The following DLGAP1 variants were observed in gnomAD, a reference collection of about 807,000 sequenced individuals.
DLGAP1 encodes disks large-associated protein 1.
In DLGAP1, 11 loss-of-function variants were observed where a neutral mutation model predicts 90.8. That is an observed-to-expected ratio of 0.12 (90% confidence interval 0.08 to 0.20). The LOEUF is 0.20. Ranked by LOEUF, DLGAP1 falls within the 10% of genes least tolerant of loss-of-function variation. The pLI is 1.00. For missense variants in DLGAP1, 1,050 were observed against 1,333.8 expected (o/e 0.79, Z 3.31); for synonymous variants, 558 against 540.7 (o/e 1.03, Z -0.44).
chr18:3,515,927 AACT>A (rs1403016252), intron 10 of DLGAP1, among the ~76,000 whole-genome samples: 1 of 152,168 alleles, frequency 6.6e-6, no homozygotes, highest in Non-Finnish European at 1.5e-5. Context: ...CATCTCAAGA[AACT>A]ACTTTCTTGG....
At chr18:3,700,386 A>C (rs1246560394) in intron 7 of DLGAP1, among the ~76,000 whole-genome samples, 1 of 152,110 alleles carries the variant, frequency 6.6e-6, no homozygotes, top group Non-Finnish European at 1.5e-5. Context: ...GAAGTTCCTC[A>C]ACCCCTTGTG....
At chr18:3,917,081 C>T (rs902803378) in intron 3 of DLGAP1, among the ~76,000 whole-genome samples, 1 of 152,184 alleles carries the variant, frequency 6.6e-6, no homozygotes, top group Non-Finnish European at 1.5e-5. Context: ...TGTGTTAGAT[C>T]ATTTTGCTCA....
intron 9 of DLGAP1, among the ~76,000 whole-genome samples, chr18:3,549,210 T>C (rs1181137409): frequency 6.6e-6 from 1 of 152,206 alleles, no homozygotes; most frequent in East Asian, 1.9e-4. Flanking sequence ...GCAGCCACTT[T>C]TAAACACTAT....
intron 1 of DLGAP1, among the ~76,000 whole-genome samples, chr18:4,269,723 A>G (rs1374810838): frequency 1.3e-5 from 2 of 152,138 alleles, no homozygotes; most frequent in East Asian, 3.9e-4. Flanking sequence ...CATAGTCTAT[A>G]ATTAATGTTA....
At chr18:3,609,156 T>TCTTCAGCCTCTCCTG in intron 7 of DLGAP1, among the ~76,000 whole-genome samples, 1 of 151,898 alleles carries the variant, frequency 6.6e-6, no homozygotes, top group East Asian at 1.9e-4. Context: ...CCTTGCAGTG[T>TCTTCAGCCTCTCCTG]CCTCAGCCTC....
At chr18:4,089,811 CG>C (rs1323504758) in intron 2 of DLGAP1, among the ~76,000 whole-genome samples, 3 of 152,106 alleles carry the variant, frequency 2.0e-5, no homozygotes, top group Non-Finnish European at 4.4e-5. Flanking sequence ...TTTGGGAGGC[CG>C]AGGCGGGCGG....
intron 2 of DLGAP1, among the ~76,000 whole-genome samples, chr18:4,085,131 C>T (rs976650265): frequency 3.9e-5 from 6 of 152,034 alleles, no homozygotes; most frequent in Non-Finnish European, 7.3e-5. Flanking sequence ...AGTCTTGGTG[C>T]AACTGAATGG....
At chr18:4,431,623 C>T (rs1339159331) in intron 1 of DLGAP1, among the ~76,000 whole-genome samples, 1 of 152,162 alleles carries the variant, frequency 6.6e-6, no homozygotes, top group African/African-American at 2.4e-5. Flanking sequence ...ATGTTAATCA[C>T]ATCTTTTATC....
chr18:4,140,564 ACAC>A (rs1316379701), intron 2 of DLGAP1, among the ~76,000 whole-genome samples: 1 of 151,984 alleles, frequency 6.6e-6, no homozygotes, highest in Non-Finnish European at 1.5e-5. Context: ...AATAGTTTAT[ACAC>A]CACAATTTAC....
intron 1 of DLGAP1, among the ~76,000 whole-genome samples, chr18:4,282,704 TA>T (rs1207950162): frequency 6.6e-6 from 1 of 152,106 alleles, no homozygotes; most frequent in African/African-American, 2.4e-5. Flanking sequence ...TTTATGCACA[TA>T]AAAAAATAGA....
chr18:4,152,181 T>A (rs986189430), intron 1 of DLGAP1, among the ~76,000 whole-genome samples: 1 of 152,152 alleles, frequency 6.6e-6, no homozygotes, highest in African/African-American at 2.4e-5. Context: ...TAAATACCTG[T>A]AAAGGTCTGT....
At chr18:3,582,287 G>C (rs771678763) in intron 7 of DLGAP1, 39 bp from the exon 8 acceptor site, 1 of 1,580,910 alleles carries the variant, frequency 6.3e-7, no homozygotes, top group Non-Finnish European at 8.6e-7. Flanking sequence ...TGATTTCTGC[G>C]TGGGTTTTAA....
At chr18:4,330,543 C>T (rs2080925916) in intron 1 of DLGAP1, among the ~76,000 whole-genome samples, 1 of 151,706 alleles carries the variant, frequency 6.6e-6, no homozygotes, top group South Asian at 2.1e-4. Flanking sequence ...CTGTTTTTTA[C>T]CCATTTTGTT....
chr18:3,991,774 C>T lies in DLGAP1; in HGVS notation c.-73+13342G>A, dbSNP rs191646339. On this transcript the variant is annotated intron_variant, in intron 3 of 12. Coordinates refer to ENST00000315677, the MANE Select transcript of DLGAP1 (RefSeq NM_004746.4). ...TCATATCTTGTCCTACTCTTTTCCACACAAAAAGAAAACTGCATTACATAT... is the reference window on the plus strand; with the variant it reads ...TCATATCTTGTCCTACTCTTTTCCATACAAAAAGAAAACTGCATTACATAT... Among the ~76,000 whole-genome samples, 514 of 152,294 alleles carry T rather than the reference C, an allele frequency of 3.4e-3. 5 individuals are homozygous for T. Among genetic ancestry groups the T allele is most frequent in the African/African-American group, 0.012 (488 of 41,552 alleles).
chr18:3,663,652 A>G (rs1480605378), intron 7 of DLGAP1, among the ~76,000 whole-genome samples: 2 of 152,218 alleles, frequency 1.3e-5, no homozygotes, highest in Non-Finnish European at 2.9e-5. Context: ...GGTGCCAATT[A>G]CAGGTGCTCT....
chr18:3,566,409 T>C (rs2054430890), intron 9 of DLGAP1, among the ~76,000 whole-genome samples: 1 of 151,696 alleles, frequency 6.6e-6, no homozygotes, highest in Non-Finnish European at 1.5e-5. Flanking sequence ...ATATTACATA[T>C]ACACACATAG....
In DLGAP1 at chr18:3,720,887, A is replaced by AC. The variant is rs199845537; in HGVS notation, c.1591+8247dup. Among the ~76,000 whole-genome samples the AC allele has an allele frequency of 1.3e-3, 177 of 137,408 alleles. 8 individuals carry two copies. Among genetic ancestry groups the AC allele is most frequent in the African/African-American group, 5.0e-3 (168 of 33,630 alleles). 90.1% of individuals were successfully genotyped at this position (137,408 alleles called of 152,430 possible). On this transcript the variant is annotated intron_variant, in intron 7 of 12. Transcript: ENST00000315677. Reference sequence around the variant, plus strand: ...GGCAACATACTAAGACCTTGTCTCTACAAAAAAAAAAAAAAAAAAAAATTA... The same window carrying AC: ...GGCAACATACTAAGACCTTGTCTCTACCAAAAAAAAAAAAAAAAAAAAATTA...
rs563917052 is a variant in DLGAP1 at position 3,567,730 on chromosome 18, TC to T, written c.1966-150del. 101 of 674,532 alleles carry T rather than the reference TC, an allele frequency of 1.5e-4. No individual in the cohort carries two copies. The African/African-American group carries it at 1.7e-3, about 11-fold the overall frequency. The allele number at this position is 674,532 out of a possible 1,614,324, so 41.8% of individuals were successfully genotyped here. On this transcript the variant is annotated intron_variant, in intron 8 of 12. Coordinates refer to ENST00000315677, the MANE Select transcript of DLGAP1 (RefSeq NM_004746.4). ...TGTTCAATATTTGTGTACACTACCT[TC>T]ACTGCACGCTCTTTGACTCTGTTGC... is the stretch of plus-strand genomic sequence containing the variant.
chr18:3,782,229 T>G (rs998509349), intron 5 of DLGAP1, among the ~76,000 whole-genome samples: 1 of 151,878 alleles, frequency 6.6e-6, no homozygotes, highest in Non-Finnish European at 1.5e-5. Flanking sequence ...CTCCGCCTCC[T>G]GGGTTCAAGC....
Sources: gnomAD v4.1 joint callset for allele counts (sites outside exome capture counted in the v4.1 genomes callset) on GRCh38, gnomAD v4.1.1 for gene constraint, MANE v1.5 for transcripts, NCBI Gene and HGNC (gene_info 2026-07-23, HGNC 2026-07-21) for gene names.